The following RAPGEF2 variants were observed in gnomAD, a reference collection of about 807,000 sequenced individuals.
RAPGEF2 encodes Rap guanine nucleotide exchange factor 2.
A neutral mutation model predicts 186.7 loss-of-function variants in RAPGEF2; 54 were observed. The observed-to-expected ratio is 0.29, with a 90% CI of 0.23 to 0.36. The LOEUF (loss-of-function observed/expected upper bound fraction) is 0.36. Ranked by LOEUF, RAPGEF2 falls within the 10% of genes least tolerant of loss-of-function variation. RAPGEF2 has a pLI of 1.00. For missense variants in RAPGEF2, 1,532 were observed against 2,045.0 expected (o/e 0.75, Z 4.84); for synonymous variants, 712 against 705.9 (o/e 1.01, Z -0.14).
In RAPGEF2 at chr4:159,346,872, CA is replaced by C. The variant is rs1160130616; in HGVS notation, c.3587del (p.Gln1196ArgfsTer36). ...APRAGSQQKA[Q>X]SLPQPQQQPP... Reference sequence around the variant, plus strand: ...AAGGGCAGGGTCACAACAGAAAGCTCAGTCCCTGCCACAGCCCCAGCAGCAG... The same window carrying C: ...AAGGGCAGGGTCACAACAGAAAGCTCGTCCCTGCCACAGCCCCAGCAGCAG... On this transcript the variant is annotated frameshift_variant, in exon 25 of 30. Coordinates refer to ENST00000691494, the MANE Select transcript of RAPGEF2 (RefSeq NM_001394067.2). LOFTEE classifies it high-confidence loss of function. The C allele has an allele frequency of 6.2e-7, 1 of 1,614,048 alleles. No individual in the cohort carries two copies. The highest frequency in any genetic ancestry group is 8.5e-7 in the Non-Finnish European group (1 of 1,180,008).
chr4:159,107,746 T>C (rs2111050431), intron 1 of RAPGEF2, among the ~76,000 whole-genome samples: 1 of 152,316 alleles, frequency 6.6e-6, no homozygotes, highest in East Asian at 1.9e-4. Flanking sequence ...CTGAAAAAAG[T>C]AACTTTAGCT....
chr4:159,141,294 A>G (rs1352028182), intron 1 of RAPGEF2, among the ~76,000 whole-genome samples: 1 of 152,174 alleles, frequency 6.6e-6, no homozygotes, highest in Non-Finnish European at 1.5e-5. Context: ...CAGACTGGGC[A>G]GTCGTTTCAT....
intron 26 of RAPGEF2, among the ~76,000 whole-genome samples, chr4:159,352,240 C>T (rs987386840): frequency 6.6e-6 from 1 of 152,096 alleles, no homozygotes; most frequent in Non-Finnish European, 1.5e-5. Context: ...AGGTAGGATA[C>T]AGGTATTTCC....
intron 1 of RAPGEF2, among the ~76,000 whole-genome samples, chr4:159,163,702 A>G (rs1175273491): frequency 6.6e-6 from 1 of 152,192 alleles, no homozygotes; most frequent in Non-Finnish European, 1.5e-5. Flanking sequence ...ACTGGAAGAA[A>G]AGTTATTTAC....
chr4:159,149,054 T>G (rs1579309226), intron 1 of RAPGEF2, among the ~76,000 whole-genome samples: 3 of 152,288 alleles, frequency 2.0e-5, no homozygotes, highest in Admixed American at 2.0e-4. Context: ...AGGATATATG[T>G]TTCCCAAAAT....
At chr4:159,153,984 A>C (rs1190711117) in intron 1 of RAPGEF2, among the ~76,000 whole-genome samples, 1 of 152,208 alleles carries the variant, frequency 6.6e-6, no homozygotes, top group Admixed American at 6.5e-5. Flanking sequence ...TCTATCTCTC[A>C]GTCCATCTTT....
chr4:159,233,571 G>A (rs543023912), intron 4 of RAPGEF2, among the ~76,000 whole-genome samples: 3 of 152,216 alleles, frequency 2.0e-5, no homozygotes, highest in African/African-American at 4.8e-5. Context: ...GAGCTAATCT[G>A]TGAGGATACA....
At chr4:159,280,982 A>ACTTCTT (rs145564659) in intron 7 of RAPGEF2, among the ~76,000 whole-genome samples, 3 of 141,444 alleles carry the variant, frequency 2.1e-5, no homozygotes, top group Non-Finnish European at 4.5e-5. Context: ...TAATTTAACT[A>ACTTCTT]CTTCTTTTTT....
chr4:159,171,321 G>A (rs1038157241), intron 1 of RAPGEF2, among the ~76,000 whole-genome samples: 1 of 152,134 alleles, frequency 6.6e-6, no homozygotes, highest in Admixed American at 6.5e-5. Flanking sequence ...ATAAAAGAAA[G>A]TGCCTACTAC....
At chr4:159,211,280 G>A (rs1211780508) in intron 4 of RAPGEF2, among the ~76,000 whole-genome samples, 1 of 152,164 alleles carries the variant, frequency 6.6e-6, no homozygotes, top group Non-Finnish European at 1.5e-5. Context: ...AAGGGTTAGG[G>A]CTCATCTGTT....
intron 7 of RAPGEF2, among the ~76,000 whole-genome samples, chr4:159,249,455 T>C (rs1755044590): frequency 1.4e-5 from 2 of 147,820 alleles, no homozygotes; most frequent in African/African-American, 2.4e-5. Context: ...TTTAAAACAT[T>C]ATTAACCTGA....
rs1451380816 is a variant in RAPGEF2, at chr4:159,104,564, GTGTGTGTA to G, written c.69+341_69+348del. Among the ~76,000 whole-genome samples the G allele has an allele frequency of 8.8e-3, 1,332 of 151,170 alleles. 34 individuals carry two copies. Among genetic ancestry groups the G allele is most frequent in the African/African-American group, 0.03 (1,232 of 40,902 alleles). The stretch of plus-strand genomic sequence containing the variant: ...AGAGAGAGAGAGAGAGTGTGTGTGT[GTGTGTGTA>G]TGTGTGTGAATGTGTGAATTCTCTA... On this transcript the variant is annotated intron_variant, in intron 1 of 29. Coordinates refer to ENST00000691494, the MANE Select transcript of RAPGEF2 (RefSeq NM_001394067.2).
intron 1 of RAPGEF2, among the ~76,000 whole-genome samples, chr4:159,176,672 C>T (rs151231190): frequency 4.4e-4 from 67 of 152,108 alleles, no homozygotes; most frequent in Admixed American, 7.8e-4. Context: ...TATCCAAGAA[C>T]GGTGCTAAAT....
At chr4:159,346,017 G>A (rs1356535452) in intron 24 of RAPGEF2, among the ~76,000 whole-genome samples, 1 of 152,164 alleles carries the variant, frequency 6.6e-6, no homozygotes, top group Non-Finnish European at 1.5e-5. Context: ...CCAGGATGCT[G>A]TAGAAGCACT....
rs182277720 is a variant in RAPGEF2 at position 159,115,100 on chromosome 4, C to T, written c.69+10869C>T. On this transcript the variant is annotated intron_variant, in intron 1 of 29. Coordinates refer to ENST00000691494, the MANE Select transcript of RAPGEF2 (RefSeq NM_001394067.2). ...ACATTTAGGTTATAAAGTCAGCCCC[C>T]CTCCCCAGTCCCACGGATTAGCCAA... Among the ~76,000 whole-genome samples, 290 of 152,194 alleles carry T rather than the reference C, an allele frequency of 1.9e-3. 1 individual carries two copies. The highest frequency in any genetic ancestry group is 4.6e-3 in the Admixed American group (71 of 15,278).
intron 1 of RAPGEF2, among the ~76,000 whole-genome samples, chr4:159,124,266 G>A (rs1481482782): frequency 6.6e-6 from 1 of 152,008 alleles, no homozygotes; most frequent in Non-Finnish European, 1.5e-5. Flanking sequence ...TCGGCCAGGT[G>A]TGGTGGCTCA....
At chr4:159,165,945 G>T (rs1247781560) in intron 1 of RAPGEF2, among the ~76,000 whole-genome samples, 2 of 152,126 alleles carry the variant, frequency 1.3e-5, no homozygotes, top group Non-Finnish European at 2.9e-5. Flanking sequence ...TTACAAGAAA[G>T]ATTTTTTTAA....
Position 159,331,431 on chromosome 4 carries a change from GT to G in RAPGEF2, c.1470del (p.Thr491HisfsTer3). On this transcript the variant is annotated frameshift_variant and splice_region_variant, in exon 14 of 30. Coordinates refer to ENST00000691494, the MANE Select transcript of RAPGEF2 (RefSeq NM_001394067.2). LOFTEE classifies it high-confidence loss of function. ...WFNDPSLRDK[V>X]TRVVLLWVNN... ...TTATTGAAAATAATTGACTTTTCAGGTTACACGGGTAGTATTATTGTGGGTA... is the reference window on the plus strand; with the variant it reads ...TTATTGAAAATAATTGACTTTTCAGGTACACGGGTAGTATTATTGTGGGTA... The G allele has an allele frequency of 6.3e-7, 1 of 1,577,028 alleles. No homozygotes were observed. Among genetic ancestry groups the G allele is most frequent in the Non-Finnish European group, 8.7e-7 (1 of 1,155,080 alleles).
intron 7 of RAPGEF2, among the ~76,000 whole-genome samples, chr4:159,260,503 A>G (rs1756700049): frequency 6.6e-6 from 1 of 152,100 alleles, no homozygotes; most frequent in South Asian, 2.1e-4. Flanking sequence ...CTGCCATGTT[A>G]GATAAGACCA....
Sources: gnomAD v4.1 joint callset for allele counts (sites outside exome capture counted in the v4.1 genomes callset) on GRCh38, gnomAD v4.1.1 for gene constraint, MANE v1.5 for transcripts, NCBI Gene and HGNC (gene_info 2026-07-23, HGNC 2026-07-21) for gene names.